The following RARB variants were observed in gnomAD, a reference collection of about 807,000 sequenced individuals.
The protein encoded by RARB is retinoic acid receptor beta.
RARB carries 17 observed loss-of-function variants against 51.9 expected under a neutral mutation model. The observed-to-expected ratio is 0.33, with a 90% CI of 0.22 to 0.49. The LOEUF (loss-of-function observed/expected upper bound fraction) is 0.49, where lower values mean the gene tolerates loss of function less well. Ranked by LOEUF, RARB falls within the 20% of genes least tolerant of loss-of-function variation. RARB has a pLI of 0.99. For missense variants in RARB, 369 were observed against 550.8 expected, an observed-to-expected ratio of 0.67 and a Z score of 3.30; for synonymous variants, 215 against 195.4, an observed-to-expected ratio of 1.10 and a Z score of -0.84.
chr3:25,195,346 A>G (rs975224043), intron 5 of RARB, among the ~76,000 whole-genome samples: 1 of 152,036 alleles, frequency 6.6e-6, no homozygotes, highest in African/African-American at 2.4e-5. Flanking sequence ...AAAGTTTCGT[A>G]TAGTTATTCA....
intron 4 of RARB, among the ~76,000 whole-genome samples, chr3:25,169,989 TAAAAAAAA>T (rs58403240): frequency 0.5 from 68,068 of 137,424 alleles, 16,928 homozygotes; most frequent in East Asian, 0.71. Flanking sequence ...CCTTATTTCT[TAAAAAAAA>T]AAAAAAAAAA....
intron 5 of RARB, among the ~76,000 whole-genome samples, chr3:25,585,444 T>C (rs533547465): frequency 6.6e-6 from 1 of 152,330 alleles, no homozygotes; most frequent in South Asian, 2.1e-4. Flanking sequence ...GATGAGAAAA[T>C]GACTTGCTTT....
At chr3:25,444,549 A>T (rs973119916) in intron 1 of RARB, among the ~76,000 whole-genome samples, 2 of 152,330 alleles carry the variant, frequency 1.3e-5, no homozygotes, top group South Asian at 2.1e-4. Flanking sequence ...CATATGAAAC[A>T]GATGTTTCAT....
chr3:25,395,810 T>G (rs1707097765), intron 5 of RARB, among the ~76,000 whole-genome samples: 1 of 152,226 alleles, frequency 6.6e-6, no homozygotes, highest in Non-Finnish European at 1.5e-5. Flanking sequence ...CTTTCTCTGG[T>G]GTCTCCTTGA....
intron 3 of RARB, among the ~76,000 whole-genome samples, chr3:25,553,671 G>A (rs188817534): frequency 6.5e-4 from 99 of 152,246 alleles, no homozygotes; most frequent in Non-Finnish European, 1.1e-3. Context: ...GGCATTTGGC[G>A]TGCATCTGTT....
chr3:24,834,351 G>A (rs1702315926), intron 1 of RARB, among the ~76,000 whole-genome samples: 1 of 151,892 alleles, frequency 6.6e-6, no homozygotes, highest in South Asian at 2.1e-4. Flanking sequence ...TTTTCTCTTG[G>A]CCAGCACAGT....
rs79800143 is a variant in RARB, at chr3:25,040,872, G to A, written c.-379-19253G>A. 4.4e-3 allele frequency among the ~76,000 whole-genome samples: 676 copies of A among 152,254 alleles called. 8 individuals carry two copies. Among genetic ancestry groups the A allele is most frequent in the African/African-American group, 0.015 (634 of 41,538 alleles). ...TCCTAGGAGGTGGATAGGCTGCCTG[G>A]TCTAAGGTCTGTCTCGAGTCCTATA... On this transcript the variant is annotated intron_variant, in intron 2 of 11. Coordinates refer to the RARB transcript ENST00000383772.
intron 3 of RARB, among the ~76,000 whole-genome samples, chr3:25,131,686 G>A (rs113117332): frequency 3.0e-4 from 45 of 152,046 alleles, no homozygotes; most frequent in South Asian, 4.2e-4. Context: ...ATATCAAGGC[G>A]GAGAGAGAGT....
At chr3:25,549,570 C>G (rs1404807514) in intron 3 of RARB, among the ~76,000 whole-genome samples, 3 of 152,062 alleles carry the variant, frequency 2.0e-5, no homozygotes, top group Non-Finnish European at 4.4e-5. Context: ...CATGAAAGAC[C>G]ATAACCCTCT....
At chr3:24,980,577 G>A (rs183164508) in intron 2 of RARB, among the ~76,000 whole-genome samples, 1 of 152,092 alleles carries the variant, frequency 6.6e-6, no homozygotes, top group East Asian at 1.9e-4. Context: ...GCTTGTGTAT[G>A]CTTCACACAG....
At chr3:25,540,410 A>G (rs979709635) in intron 3 of RARB, among the ~76,000 whole-genome samples, 1 of 152,198 alleles carries the variant, frequency 6.6e-6, no homozygotes, top group African/African-American at 2.4e-5. Flanking sequence ...TTACCCAATT[A>G]ACTAATTCCC....
At chr3:25,418,882 A>G (rs1707779709) in intron 5 of RARB, among the ~76,000 whole-genome samples, 1 of 151,646 alleles carries the variant, frequency 6.6e-6, no homozygotes, top group Non-Finnish European at 1.5e-5. Context: ...GGAATGAGAA[A>G]TATATTTCTT....
intron 2 of RARB, among the ~76,000 whole-genome samples, chr3:24,901,673 G>A (rs927536221): frequency 1.6e-4 from 25 of 152,158 alleles, no homozygotes; most frequent in Admixed American, 1.4e-3. Flanking sequence ...TACCAGTCTA[G>A]CATGTCCATT....
intron 3 of RARB, among the ~76,000 whole-genome samples, chr3:25,102,445 C>T (rs1699421859): frequency 6.6e-6 from 1 of 151,828 alleles, no homozygotes; most frequent in Non-Finnish European, 1.5e-5. Context: ...GGGGCTGAGG[C>T]AGAAGAATCA....
chr3:25,238,821 A>G (rs1702364015), intron 5 of RARB, among the ~76,000 whole-genome samples: 1 of 152,144 alleles, frequency 6.6e-6, no homozygotes, highest in African/African-American at 2.4e-5. Context: ...TCTACTAAAA[A>G]TACAAAAATT....
At position 24,990,180 on chromosome 3, in the gene RARB, T is replaced by TTTA. The variant is rs1696881379; in HGVS notation, c.-379-69934_-379-69932dup. ...TATTTTCTTTTTTTCTTCTTCTTTT[T>TTTA]TTATTATTATTATACTTTAAGTTTT... On this transcript the variant is annotated intron_variant, in intron 2 of 11. Transcript: ENST00000383772. Among the ~76,000 whole-genome samples, 2 of 105,758 alleles carry TTTA rather than the reference T, an allele frequency of 1.9e-5. 1 individual carries two copies. Among genetic ancestry groups the TTTA allele is most frequent in the Non-Finnish European group, 3.8e-5 (2 of 52,750 alleles). 69.4% of individuals were successfully genotyped at this position (105,758 alleles called of 152,430 possible). A position where few individuals can be genotyped will look rare whatever the true frequency, so the allele number is the denominator to read the frequency against.
intron 4 of RARB, among the ~76,000 whole-genome samples, chr3:25,140,309 A>G (rs781095290): frequency 1.3e-5 from 2 of 152,194 alleles, no homozygotes; most frequent in Non-Finnish European, 2.9e-5. Flanking sequence ...TTTGTGATTC[A>G]TGGGAGGAAG....
intron 2 of RARB, among the ~76,000 whole-genome samples, chr3:25,469,335 T>A (rs1012325797): frequency 2.6e-5 from 4 of 152,246 alleles, no homozygotes; most frequent in Admixed American, 2.6e-4. Context: ...TTGTTTTTAA[T>A]TGGAGTGGAT....
intron 5 of RARB, among the ~76,000 whole-genome samples, chr3:25,345,325 G>A (rs1417705891): frequency 6.6e-6 from 1 of 152,064 alleles, no homozygotes; most frequent in African/African-American, 2.4e-5. Context: ...TTCCTTTTCG[G>A]CTGTTGTGCC....
Sources: allele counts gnomAD v4.1 joint callset (sites outside exome capture counted in the v4.1 genomes callset), GRCh38; gene constraint gnomAD v4.1.1; transcripts MANE v1.5; gene names NCBI Gene and HGNC (gene_info 2026-07-23, HGNC 2026-07-21).